Variants in SORCS1 observed in about 807,000 individuals in gnomAD.
SORCS1 encodes sortilin related VPS10 domain containing receptor 1, also known as VPS10 domain-containing receptor SorCS1.
A neutral mutation model predicts 146.1 loss-of-function variants in SORCS1; 60 were observed. The ratio of observed to expected loss-of-function variants is 0.41; its 90% confidence interval spans 0.33 to 0.51. The LOEUF (loss-of-function observed/expected upper bound fraction) is 0.51, where lower values mean the gene tolerates loss of function less well. SORCS1 is among the 20% of genes least tolerant of loss of function. SORCS1 has a pLI of 0.21. For synonymous variants in SORCS1, 637 were observed against 584.0 expected (o/e 1.09, Z -1.31); for missense variants, 1,352 against 1,487.6 (o/e 0.91, Z 1.50).
At chr10:106,606,170 T>A (rs1304722658) in intron 23 of SORCS1, among the ~76,000 whole-genome samples, 1 of 151,826 alleles carries the variant, frequency 6.6e-6, no homozygotes, top group East Asian at 1.9e-4. Context: ...TTATCCCCAC[T>A]ACAGAGACAG....
intron 2 of SORCS1, among the ~76,000 whole-genome samples, chr10:106,867,324 G>A (rs949476172): frequency 1.3e-4 from 19 of 149,448 alleles, no homozygotes; most frequent in Admixed American, 5.4e-4. Flanking sequence ...TCGTTCTGTC[G>A]CCCACGCTGG....
At chr10:106,862,725 C>A (rs1213945592) in intron 2 of SORCS1, among the ~76,000 whole-genome samples, 1 of 122,426 alleles carries the variant, frequency 8.2e-6, no homozygotes, top group Admixed American at 1.2e-4. Context: ...ACAGGCGGAT[C>A]ATGAGGTCAG....
intron 1 of SORCS1, among the ~76,000 whole-genome samples, chr10:107,139,371 T>C (rs1425583225): frequency 6.6e-6 from 1 of 152,140 alleles, no homozygotes; most frequent in Non-Finnish European, 1.5e-5. Context: ...CAAAATGCAA[T>C]TTCTATTACT....
At chr10:106,587,008 T>G (rs983801368) in intron 24 of SORCS1, among the ~76,000 whole-genome samples, 1 of 152,186 alleles carries the variant, frequency 6.6e-6, no homozygotes, top group South Asian at 2.1e-4. Flanking sequence ...TAGATGAAAA[T>G]ATCACATTTA....
chr10:106,884,165 TC>T (rs1950910967), intron 2 of SORCS1, among the ~76,000 whole-genome samples: 3 of 152,284 alleles, frequency 2.0e-5, no homozygotes, highest in South Asian at 4.1e-4. Context: ...TTCATGGCAC[TC>T]CCGCAATGTT....
At chr10:106,791,467 G>A (rs2136518681) in intron 3 of SORCS1, among the ~76,000 whole-genome samples, 1 of 152,276 alleles carries the variant, frequency 6.6e-6, no homozygotes, top group East Asian at 1.9e-4. Context: ...GGAGGCCGAG[G>A]CGGGCAGATG....
intron 4 of SORCS1, among the ~76,000 whole-genome samples, 182 bp from the exon 5 acceptor site, chr10:106,761,843 TAA>T (rs1859135019): frequency 6.6e-6 from 1 of 152,248 alleles, no homozygotes; most frequent in Non-Finnish European, 1.5e-5. Context: ...CAAGTCAGAC[TAA>T]TATCATCATT....
In SORCS1 at chr10:106,667,805, G is replaced by A. The variant is rs568373634; in HGVS notation, c.2190-3C>T. ...TGTGTCGCTCATAACCATAGTCGCT[G>A]TTAGGAAAGAGCCGAGAAAAACCTT... On this transcript the variant is annotated splice_polypyrimidine_tract_variant and splice_region_variant and intron_variant, in intron 16 of 25. Coordinates refer to ENST00000263054, the MANE Select transcript of SORCS1 (RefSeq NM_052918.5). 1.2e-4 allele frequency: 189 copies of A among 1,612,488 alleles called. 6 individuals are homozygous for A. In the South Asian group the frequency reaches 2.0e-3, roughly 17 times the overall value.
chr10:107,123,611 T>G (rs531724928), intron 1 of SORCS1, among the ~76,000 whole-genome samples: 1 of 152,342 alleles, frequency 6.6e-6, no homozygotes, highest in East Asian at 1.9e-4. Context: ...TTTAGAACGC[T>G]TAATTTAACT....
At chr10:106,578,674 T>C (rs1176746925) in intron 25 of SORCS1, 1 of 1,011,802 alleles carries the variant, frequency 9.9e-7, no homozygotes, top group Non-Finnish European at 1.2e-6. Context: ...TGTATCCAGT[T>C]GAGGCTACCA....
the SORCS1 span, among the ~76,000 whole-genome samples, chr10:107,175,045 GTTCT>G: frequency 1.3e-5 from 2 of 152,040 alleles, no homozygotes; most frequent in African/African-American, 4.8e-5. Flanking sequence ...TTTCTCCTCT[GTTCT>G]GTCAATATTA....
Position 107,143,391 on chromosome 10 carries a change from G to A in SORCS1, c.558+20578C>T, listed in dbSNP as rs544737398. On this transcript the variant is annotated intron_variant, in intron 1 of 25. Coordinates refer to ENST00000263054, the MANE Select transcript of SORCS1 (RefSeq NM_052918.5). ...CGCACAGGCTGGACTGCAGTGGCAC[G>A]ATGTTGGCTTGCTGCAACTTACACC... Among the ~76,000 whole-genome samples, 6 of 152,208 alleles carry A rather than the reference G, an allele frequency of 3.9e-5. No homozygotes were observed. The South Asian group carries it at 1.0e-3, about 26-fold the overall frequency.
chr10:106,825,496 TCTC>T (rs1164834292), intron 3 of SORCS1, among the ~76,000 whole-genome samples: 2 of 151,816 alleles, frequency 1.3e-5, no homozygotes, highest in Admixed American at 6.6e-5. Context: ...ATGGTCTCAA[TCTC>T]CTGACCTCGT....
intron 24 of SORCS1, among the ~76,000 whole-genome samples, chr10:106,595,297 G>A (rs965083678): frequency 2.0e-5 from 3 of 152,090 alleles, no homozygotes; most frequent in Non-Finnish European, 2.9e-5. Flanking sequence ...GCAGGCACTC[G>A]GTAAATATCT....
intron 13 of SORCS1, among the ~76,000 whole-genome samples, chr10:106,675,783 G>A (rs1008629051): frequency 6.6e-6 from 1 of 152,230 alleles, no homozygotes; most frequent in Admixed American, 6.5e-5. Context: ...GGAGACCTTG[G>A]GAGGTGATTA....
At chr10:106,648,781 A>T (rs1372744173) in intron 18 of SORCS1, among the ~76,000 whole-genome samples, 2 of 151,960 alleles carry the variant, frequency 1.3e-5, no homozygotes, top group African/African-American at 4.8e-5. Context: ...CTGCCCTGGG[A>T]CCTAGGTGAG....
At position 106,610,562 on chromosome 10, in the gene SORCS1, TC is replaced by T; in HGVS notation, c.3033+1348del. On this transcript the variant is annotated intron_variant, in intron 22 of 25. Coordinates refer to ENST00000263054, the MANE Select transcript of SORCS1 (RefSeq NM_052918.5). ...AAGAGGCTGGATGTAAGATCTGTTT[TC>T]TGATCAGGAGTTATCTGAATGCCTT... 1.3e-5 allele frequency among the ~76,000 whole-genome samples: 2 copies of T among 152,192 alleles called. 1 individual carries two copies. The highest frequency in any genetic ancestry group is 3.9e-4 in the East Asian group (2 of 5,190).
At chr10:106,987,282 G>A (rs1483370314) in intron 1 of SORCS1, among the ~76,000 whole-genome samples, 1 of 152,148 alleles carries the variant, frequency 6.6e-6, no homozygotes, top group African/African-American at 2.4e-5. Context: ...TACTTACTAA[G>A]CTCCTCTAAG....
chr10:107,017,340 C>T (rs78668610), intron 1 of SORCS1, among the ~76,000 whole-genome samples: 1,833 of 152,232 alleles, frequency 0.012, 24 homozygotes, highest in Middle Eastern at 0.024. Context: ...TACCGCTACA[C>T]GAAATAACCA....
Sources: allele counts gnomAD v4.1 joint callset (sites outside exome capture counted in the v4.1 genomes callset), GRCh38; gene constraint gnomAD v4.1.1; transcripts MANE v1.5; gene names NCBI Gene and HGNC (gene_info 2026-07-23, HGNC 2026-07-21).